ADAMTS6: variants seen among roughly 807,000 people sequenced by gnomAD.
ADAMTS6 encodes A disintegrin and metalloproteinase with thrombospondin motifs 6.
A neutral mutation model predicts 144.3 loss-of-function variants in ADAMTS6; 23 were observed. The ratio of observed to expected loss-of-function variants is 0.16; its 90% CI spans 0.11 to 0.23. The LOEUF is 0.23. ADAMTS6 is among the 10% of genes least tolerant of loss of function. ADAMTS6 has a pLI of 1.00. For synonymous variants in ADAMTS6, 444 were observed against 457.5 expected (o/e 0.97, Z 0.38); for missense variants, 999 against 1,379.6 (o/e 0.72, Z 4.37).
At chr5:65,480,986 C>T (rs1284888677) in intron 1 of ADAMTS6, among the ~76,000 whole-genome samples, 1 of 152,096 alleles carries the variant, frequency 6.6e-6, no homozygotes, top group African/African-American at 2.4e-5. Flanking sequence ...ATTTAAAACA[C>T]ACACATCATT....
chr5:65,337,054 A>G (rs1242461567), intron 7 of ADAMTS6, among the ~76,000 whole-genome samples: 3 of 152,142 alleles, frequency 2.0e-5, no homozygotes. Context: ...TAAAAAGTAC[A>G]CCATCTTATC....
Position 65,366,009 on chromosome 5 carries a change from C to CA in ADAMTS6, c.1074-31925dup, listed in dbSNP as rs112221663. 7.2e-3 allele frequency among the ~76,000 whole-genome samples: 1,020 copies of CA among 142,552 alleles called. 12 individuals carry two copies. Among genetic ancestry groups the CA allele is most frequent in the South Asian group, 0.036 (162 of 4,500 alleles). The allele number at this position is 142,552 out of a possible 152,430, so 93.5% of individuals were successfully genotyped here. A position where few individuals can be genotyped will look rare whatever the true frequency, so the allele number is the denominator to read the frequency against. ...TGAACTTTATAATCATTAAATAAAA[C>CA]AAAAAAAAAAATCTCTTTTGGTACC... On this transcript the variant is annotated intron_variant, in intron 7 of 24. Transcript: ENST00000381055.
rs73761654 is a variant in ADAMTS6 at position 65,171,615 on chromosome 5, C to T, written c.3088-842G>A. ...TTATTATAGGTGTGCAGGTAAATAACCTGATGGCTTATTGGAGTGTCCTGT... is the reference window on the plus strand; with the variant it reads ...TTATTATAGGTGTGCAGGTAAATAATCTGATGGCTTATTGGAGTGTCCTGT... On this transcript the variant is annotated intron_variant, in intron 23 of 24. Coordinates refer to ENST00000381055, the MANE Select transcript of ADAMTS6 (RefSeq NM_197941.4). 9.5e-3 allele frequency among the ~76,000 whole-genome samples: 1,444 copies of T among 152,082 alleles called. 18 individuals are homozygous for T. The highest frequency in any genetic ancestry group is 0.033 in the African/African-American group (1,360 of 41,494).
At chr5:65,324,515 T>C (rs994471432) in intron 9 of ADAMTS6, among the ~76,000 whole-genome samples, 1 of 151,910 alleles carries the variant, frequency 6.6e-6, no homozygotes, top group African/African-American at 2.4e-5. Context: ...TATCATGATA[T>C]ATACACATAT....
rs116386117 is a variant in ADAMTS6 at position 65,433,727 on chromosome 5, T to A, written c.1073+17748A>T. Among the ~76,000 whole-genome samples the A allele has an allele frequency of 2.5e-3, 381 of 152,260 alleles. 3 individuals are homozygous for A. The highest frequency in any genetic ancestry group is 8.9e-3 in the African/African-American group (369 of 41,552). On this transcript the variant is annotated intron_variant, in intron 7 of 24. Transcript: ENST00000381055. ...CACATTACTCCTACTAGAAAGATTA[T>A]AACTAACAAGACATACAATAAAACA...
At chr5:65,332,586 A>G (rs769261069) in intron 8 of ADAMTS6, among the ~76,000 whole-genome samples, 1 of 152,032 alleles carries the variant, frequency 6.6e-6, no homozygotes, top group African/African-American at 2.4e-5. Context: ...AAACCTCTTT[A>G]CTAAATACAT....
intron 15 of ADAMTS6, among the ~76,000 whole-genome samples, chr5:65,233,195 ATAAATGTCCCATACAACAAGCCCAC>A (rs1758393525): frequency 6.6e-6 from 1 of 152,090 alleles, no homozygotes; most frequent in Non-Finnish European, 1.5e-5. Flanking sequence ...CCTCAACACA[ATAAATGTCCCATACAACAAGCCCAC>A]AGCTAACATC....
chr5:65,447,018 CTAAATA>C (rs1356227574), intron 7 of ADAMTS6, among the ~76,000 whole-genome samples: 1 of 152,058 alleles, frequency 6.6e-6, no homozygotes, highest in Non-Finnish European at 1.5e-5. Context: ...AATTTCTACC[CTAAATA>C]TAAACTGTTA....
chr5:65,347,758 G>C (rs1748481482), intron 7 of ADAMTS6, among the ~76,000 whole-genome samples: 1 of 151,888 alleles, frequency 6.6e-6, no homozygotes, highest in African/African-American at 2.4e-5. Flanking sequence ...TCTCATCAGG[G>C]GTTAATGTCC....
intron 14 of ADAMTS6, among the ~76,000 whole-genome samples, chr5:65,243,286 G>A (rs79432588): frequency 0.091 from 13,865 of 152,094 alleles, 842 homozygotes; most frequent in Non-Finnish European, 0.14. Flanking sequence ...TTAGATCTCT[G>A]TGTTTGCTTT....
At chr5:65,341,685 C>T (rs1296886065) in intron 7 of ADAMTS6, among the ~76,000 whole-genome samples, 1 of 151,960 alleles carries the variant, frequency 6.6e-6, no homozygotes, top group African/African-American at 2.4e-5. Context: ...TTATAAGAGA[C>T]TGAATCAATA....
intron 14 of ADAMTS6, among the ~76,000 whole-genome samples, chr5:65,244,386 C>T (rs747609690): frequency 9.9e-5 from 15 of 151,992 alleles, no homozygotes; most frequent in Non-Finnish European, 1.3e-4. Flanking sequence ...TAAAGGCAAA[C>T]GAAACAAAAA....
chr5:65,225,475 GA>G (rs1393610206), intron 16 of ADAMTS6, among the ~76,000 whole-genome samples: 1 of 152,140 alleles, frequency 6.6e-6, no homozygotes. Context: ...AAAAATTTAT[GA>G]AAATAGTGGT....
At chr5:65,462,563 G>A (rs943176441) in intron 3 of ADAMTS6, among the ~76,000 whole-genome samples, 1 of 152,148 alleles carries the variant, frequency 6.6e-6, no homozygotes, top group Non-Finnish European at 1.5e-5. Flanking sequence ...ATGGAGCAAC[G>A]TTAAACAATG....
intron 11 of ADAMTS6, among the ~76,000 whole-genome samples, chr5:65,279,148 T>C (rs1762793586): frequency 6.6e-6 from 1 of 152,094 alleles, no homozygotes; most frequent in Admixed American, 6.6e-5. Context: ...TTTCACCATG[T>C]TGCTCAAGCT....
chr5:65,273,406 G>C lies in ADAMTS6; in HGVS notation c.1554C>G (p.Arg518=), dbSNP rs1580257218. 1.2e-6 allele frequency: 2 copies of C among 1,613,978 alleles called. No individual in the cohort carries two copies. Among genetic ancestry groups the C allele is most frequent in the South Asian group, 2.2e-5 (2 of 91,078 alleles). Residue 518 remains arginine, a synonymous_variant, in exon 12 of 25, where the codon CGC becomes CGG. Coordinates refer to ENST00000381055, the MANE Select transcript of ADAMTS6 (RefSeq NM_197941.4). ...CTGCTGGAATACTGTTGGTGACACA[G>C]CGGTTGCTTTTGCTGAGACACCAGA... ...RELWCLSKSN[R]CVTNSIPAAE...
At chr5:65,242,741 C>A (rs1457383185) in intron 14 of ADAMTS6, among the ~76,000 whole-genome samples, 2 of 152,032 alleles carry the variant, frequency 1.3e-5, no homozygotes, top group African/African-American at 4.8e-5. Context: ...AAATGCTAGA[C>A]CTCAAGTATA....
At chr5:65,336,891 T>TA (rs1016951078) in intron 7 of ADAMTS6, among the ~76,000 whole-genome samples, 29 of 151,620 alleles carry the variant, frequency 1.9e-4, no homozygotes, top group African/African-American at 6.3e-4. Context: ...GACAAGGTAA[T>TA]AAAAAAAAAT....
intron 15 of ADAMTS6, among the ~76,000 whole-genome samples, chr5:65,241,138 G>T (rs1423225555): frequency 4.6e-5 from 7 of 151,500 alleles, no homozygotes; most frequent in Non-Finnish European, 1.0e-4. Flanking sequence ...AATCTTGGTG[G>T]TAAATATAAA....
Sources: gnomAD v4.1 joint callset for allele counts (sites outside exome capture counted in the v4.1 genomes callset) on GRCh38, gnomAD v4.1.1 for gene constraint, MANE v1.5 for transcripts, NCBI Gene and HGNC (gene_info 2026-07-23, HGNC 2026-07-21) for gene names.